SPMIP7: variants seen among roughly 807,000 people sequenced by gnomAD.
SPMIP7 encodes the protein protein SPMIP7.
chr7:50,134,139 C>G, the SPMIP7 span: 2 of 1,549,910 alleles, frequency 1.3e-6, no homozygotes, highest in African/African-American at 2.7e-5. Context: ...GGATAAGATG[C>G]TACCACCAAA....
chr7:50,159,091 T>A, the SPMIP7 span: 2 of 1,551,802 alleles, frequency 1.3e-6, no homozygotes, highest in Non-Finnish European at 1.7e-6. Flanking sequence ...GTCACCAGGC[T>A]CCCCTGTCTC....
the SPMIP7 span, among the ~76,000 whole-genome samples, chr7:50,100,124 A>G: frequency 6.6e-6 from 1 of 152,220 alleles, no homozygotes; most frequent in Non-Finnish European, 1.5e-5. Context: ...AGATTGTACC[A>G]GACCCCTCAG....
At chr7:50,117,228 A>G in the SPMIP7 span, 4 of 455,578 alleles carry the variant, frequency 8.8e-6, no homozygotes, top group South Asian at 1.6e-5. Context: ...CATGAAAATA[A>G]CATTCAGGCA....
chr7:50,106,153 T>A, the SPMIP7 span, among the ~76,000 whole-genome samples: 3 of 152,232 alleles, frequency 2.0e-5, no homozygotes, highest in Non-Finnish European at 2.9e-5. Context: ...TGGATTAATG[T>A]TCCTTTTTTC....
the SPMIP7 span, among the ~76,000 whole-genome samples, chr7:50,118,565 T>C: frequency 6.6e-6 from 1 of 152,230 alleles, no homozygotes; most frequent in East Asian, 1.9e-4. Flanking sequence ...GCTGATCTTA[T>C]GATGGTAGCT....
chr7:50,145,659 T>C, the SPMIP7 span, among the ~76,000 whole-genome samples: 30 of 111,970 alleles, frequency 2.7e-4, no homozygotes, highest in African/African-American at 7.1e-4. Context: ...TATATATATA[T>C]ACATCTTACA....
At chr7:50,128,214 C>T in the SPMIP7 span, among the ~76,000 whole-genome samples, 1 of 151,938 alleles carries the variant, frequency 6.6e-6, no homozygotes, top group African/African-American at 2.4e-5. Context: ...AAGCCAACTA[C>T]ATAAGACAAA....
the SPMIP7 span, among the ~76,000 whole-genome samples, chr7:50,153,667 A>G: frequency 6.6e-6 from 1 of 152,190 alleles, no homozygotes; most frequent in East Asian, 1.9e-4. Flanking sequence ...AGATAAGGAA[A>G]CTGAGGCACA....
the SPMIP7 span, among the ~76,000 whole-genome samples, chr7:50,128,038 C>T: frequency 5.5e-4 from 83 of 152,022 alleles, no homozygotes; most frequent in East Asian, 7.7e-4. Flanking sequence ...GCCCTATTCG[C>T]ATTAGGCAAA....
At chr7:50,101,550 G>A in the SPMIP7 span, among the ~76,000 whole-genome samples, 1 of 152,154 alleles carries the variant, frequency 6.6e-6, no homozygotes, top group Non-Finnish European at 1.5e-5. Context: ...CTGAAACGGA[G>A]TGGAGGAAAG....
the SPMIP7 span, chr7:50,158,984 T>C: frequency 5.3e-6 from 8 of 1,504,170 alleles, no homozygotes; most frequent in Non-Finnish European, 7.2e-6. Context: ...TTGGATGAGG[T>C]TGTGTATTTG....
chr7:50,128,131 C>T, the SPMIP7 span, among the ~76,000 whole-genome samples: 1 of 151,800 alleles, frequency 6.6e-6, no homozygotes, highest in Non-Finnish European at 1.5e-5. Flanking sequence ...TATTATTAAG[C>T]CATAAAAGAG....
chr7:50,106,541 C>A, the SPMIP7 span, among the ~76,000 whole-genome samples: 1 of 152,138 alleles, frequency 6.6e-6, no homozygotes, highest in African/African-American at 2.4e-5. Context: ...AAGTAAATAA[C>A]ATTTTTCTTT....
At chr7:50,140,736 C>T in the SPMIP7 span, among the ~76,000 whole-genome samples, 3 of 152,180 alleles carry the variant, frequency 2.0e-5, no homozygotes, top group Non-Finnish European at 4.4e-5. Flanking sequence ...CCTGGCCCAC[C>T]CCTCTCATTA....
At chr7:50,113,348 C>CCA in the SPMIP7 span, among the ~76,000 whole-genome samples, 2 of 57,374 alleles carry the variant, frequency 3.5e-5, no homozygotes, top group Non-Finnish European at 8.2e-5. Flanking sequence ...AAAATATCAC[C>CCA]CAGGGGAAAA....
chr7:50,112,196 A>G, the SPMIP7 span, among the ~76,000 whole-genome samples: 2 of 152,190 alleles, frequency 1.3e-5, no homozygotes, highest in Non-Finnish European at 2.9e-5. Context: ...GAGAATGAAC[A>G]TGAGATAAAG....
the SPMIP7 span, among the ~76,000 whole-genome samples, chr7:50,105,181 G>A: frequency 6.6e-6 from 1 of 152,206 alleles, no homozygotes; most frequent in Admixed American, 6.5e-5. Flanking sequence ...GACATACACA[G>A]ATATAAAAAC....
the SPMIP7 span, chr7:50,104,200 T>TA: frequency 6.9e-6 from 3 of 433,198 alleles, no homozygotes; most frequent in Non-Finnish European, 1.3e-5. Context: ...AATAATCCAT[T>TA]AAAAAATGAA....
the SPMIP7 span, among the ~76,000 whole-genome samples, chr7:50,130,216 T>C: frequency 2.6e-5 from 4 of 152,146 alleles, no homozygotes; most frequent in African/African-American, 9.7e-5. Flanking sequence ...TATTGATCTC[T>C]TTTCACTCTG....
Sources: gnomAD v4.1 joint callset for allele counts (sites outside exome capture counted in the v4.1 genomes callset) on GRCh38, gnomAD v4.1.1 for gene constraint, MANE v1.5 for transcripts, NCBI Gene and HGNC (gene_info 2026-07-23, HGNC 2026-07-21) for gene names.